The following DNAH14 variants were observed in gnomAD, a reference collection of about 807,000 sequenced individuals.
The protein encoded by DNAH14 is axonemal beta dynein heavy chain 14.
Under a neutral mutation model 520.9 loss-of-function variants are expected in DNAH14, and 478 were observed. That is an observed-to-expected ratio of 0.92 (90% CI 0.85 to 0.99). The LOEUF (loss-of-function observed/expected upper bound fraction) is 0.99. Ranked by LOEUF, DNAH14 falls within the 50% of genes least tolerant of loss-of-function variation. The pLI is 0.00. For synonymous variants in DNAH14, 1,581 were observed against 1,757.2 expected, an observed-to-expected ratio of 0.90 and a Z score of 2.51; for missense variants, 4,831 against 5,234.5, an observed-to-expected ratio of 0.92 and a Z score of 2.38.
chr1:225,016,172 G>T (rs1358411900), intron 10 of DNAH14, among the ~76,000 whole-genome samples: 1 of 152,150 alleles, frequency 6.6e-6, no homozygotes, highest in African/African-American at 2.4e-5. Context: ...CTGGGACTTG[G>T]TGACCATTGT....
At position 225,205,999 on chromosome 1, in the gene DNAH14, TGGCCCA is replaced by T; in HGVS notation, c.6008_6013del (p.Gly2003_Pro2004del). ...TTGATTGGCAGTGGATTATCCTAGA[TGGCCCA>T]GTGGACACCTTTTGGGTAGAAAATC... On this transcript the variant is annotated inframe_deletion, in exon 40 of 86. Coordinates refer to ENST00000682510, the MANE Select transcript of DNAH14 (RefSeq NM_001367479.1). 1 of 1,551,626 alleles carries T rather than the reference TGGCCCA, an allele frequency of 6.4e-7. No homozygotes were observed.
intron 38 of DNAH14, among the ~76,000 whole-genome samples, chr1:225,202,378 G>C (rs1432011713): frequency 6.6e-6 from 1 of 152,158 alleles, no homozygotes; most frequent in Non-Finnish European, 1.5e-5. Flanking sequence ...GCTGCTGTGG[G>C]GGATAGGAGT....
intron 54 of DNAH14, among the ~76,000 whole-genome samples, chr1:225,279,486 CAG>C (rs1323491691): frequency 4.6e-5 from 7 of 151,994 alleles, no homozygotes; most frequent in African/African-American, 1.7e-4. Flanking sequence ...ATATTTAAGA[CAG>C]AGAATAAATA....
rs1487497404 is a variant in DNAH14 at position 225,331,517 on chromosome 1, A to G, written c.9804A>G (p.Thr3268=). 1 of 1,551,370 alleles carries G rather than the reference A, an allele frequency of 6.4e-7. No homozygotes were observed. The highest frequency in any genetic ancestry group is 8.7e-7 in the Non-Finnish European group (1 of 1,146,858). The change falls in exon 65 of 86, where the codon ACA becomes ACG. Residue 3268 remains threonine (T), a synonymous_variant. Transcript: ENST00000682510. ...AACAACTATTAGCAAATCGGAAAAC[A>G]ATGGCCAGCAGGCGCTTTCAGTGTG... ...AEKQLLANRK[T]MASRRFQCAS... is the part of the protein sequence containing the mutation.
rs1459284842 is a variant in DNAH14 at position 225,333,258 on chromosome 1, T to C, written c.9865-33T>C. On this transcript the variant is annotated intron_variant, in intron 65 of 85. Transcript: ENST00000682510. The stretch of plus-strand genomic sequence containing the variant: ...AAATATCTCATGATAATATATTTTA[T>C]ATAGAATAACTCATTTCTATTTTAA... 7 of 1,456,936 alleles carry C rather than the reference T, an allele frequency of 4.8e-6. No homozygotes were observed. The South Asian group carries it at 6.4e-5, about 13-fold the overall frequency. The allele number at this position is 1,456,936 out of a possible 1,614,324, so 90.3% of individuals were successfully genotyped here. A position where few individuals can be genotyped will look rare whatever the true frequency, so the allele number is the denominator to read the frequency against.
rs748565298 is a variant in DNAH14 at position 225,085,724 on chromosome 1, CAGTT to C, written c.3511_3514del (p.Leu1171LysfsTer23). ...TCCATCTATAGATGACATATCAGCT[CAGTT>C]AGAAGAGTCTCAAGTCATACTTGCA... On this transcript the variant is annotated frameshift_variant, in exon 21 of 86. Transcript: ENST00000682510. LOFTEE classifies it high-confidence loss of function. 1 of 1,551,366 alleles carries C rather than the reference CAGTT, an allele frequency of 6.4e-7. No homozygotes were observed. Among genetic ancestry groups the C allele is most frequent in the African/African-American group, 1.4e-5 (1 of 73,112 alleles).
intron 21 of DNAH14, among the ~76,000 whole-genome samples, chr1:225,095,824 TGG>T (rs1252978854): frequency 6.6e-6 from 1 of 152,102 alleles, no homozygotes; most frequent in Non-Finnish European, 1.5e-5. Flanking sequence ...GGTTGCCTGG[TGG>T]TAGGGTAGGG....
At chr1:225,044,903 C>A (rs1317832399) in intron 15 of DNAH14, among the ~76,000 whole-genome samples, 1 of 152,024 alleles carries the variant, frequency 6.6e-6, no homozygotes. Flanking sequence ...GTTGGGATGA[C>A]CCCTCCCATA....
At chr1:224,992,240 C>T (rs976208512) in intron 8 of DNAH14, among the ~76,000 whole-genome samples, 15 of 151,962 alleles carry the variant, frequency 9.9e-5, no homozygotes, top group African/African-American at 1.9e-4. Context: ...TGGTTTCATA[C>T]GAATTTTAAG....
chr1:225,321,797 T>A (rs1396114103), intron 61 of DNAH14, among the ~76,000 whole-genome samples: 1 of 152,224 alleles, frequency 6.6e-6, no homozygotes, highest in African/African-American at 2.4e-5. Flanking sequence ...ACATTATTAA[T>A]GACTTGAAAG....
chr1:224,985,850 TACAC>T (rs1483432243), intron 8 of DNAH14, among the ~76,000 whole-genome samples: 3 of 150,550 alleles, frequency 2.0e-5, no homozygotes, highest in African/African-American at 7.3e-5. Flanking sequence ...TATTTGAAAA[TACAC>T]AGAGAAGATT....
chr1:225,300,766 TCTC>T, intron 55 of DNAH14, 100 bp from the exon 56 acceptor site: 1 of 1,225,096 alleles, frequency 8.2e-7, no homozygotes, highest in Admixed American at 2.8e-5. Context: ...TAGCCTCAGT[TCTC>T]CTTAATCACT....
chr1:225,057,442 G>T (rs1441418897), intron 17 of DNAH14, among the ~76,000 whole-genome samples: 1 of 152,128 alleles, frequency 6.6e-6, no homozygotes, highest in Non-Finnish European at 1.5e-5. Flanking sequence ...AGACAATGGG[G>T]TTTTCTAGAT....
At position 225,264,745 on chromosome 1, in the gene DNAH14, A is replaced by C. The variant is rs75724632; in HGVS notation, c.7223-437A>C. Among the ~76,000 whole-genome samples, 4 of 152,104 alleles carry C rather than the reference A, an allele frequency of 2.6e-5. No individual in the cohort carries two copies. In the East Asian group the frequency reaches 7.7e-4, roughly 29 times the overall value. On this transcript the variant is annotated intron_variant, in intron 47 of 85. Coordinates refer to ENST00000682510, the MANE Select transcript of DNAH14 (RefSeq NM_001367479.1). ...TCAAGAGGAAAAGATGGAATGGCCTAGAGATAGCTGTAGAAAGGGGAAGGA... is the reference window on the plus strand; with the variant it reads ...TCAAGAGGAAAAGATGGAATGGCCTCGAGATAGCTGTAGAAAGGGGAAGGA...
Position 225,205,109 on chromosome 1 carries a change from A to T in DNAH14, c.5977+836A>T, listed in dbSNP as rs1842334. Among the ~76,000 whole-genome samples the T allele has an allele frequency of 3.5e-3, 536 of 152,204 alleles. 4 individuals are homozygous for T. The highest frequency in any genetic ancestry group is 0.013 in the African/African-American group (519 of 41,518). ...ATTCATACCTCCCCTATCCTGACCA[A>T]TGGATTTTCTAAAATTGTGGAGCAC... is the stretch of plus-strand genomic sequence containing the variant. On this transcript the variant is annotated intron_variant, in intron 39 of 85. Transcript: ENST00000682510.
intron 74 of DNAH14, among the ~76,000 whole-genome samples, chr1:225,359,510 A>C (rs2095469919): frequency 6.6e-6 from 1 of 152,154 alleles, no homozygotes; most frequent in East Asian, 1.9e-4. Flanking sequence ...TCCCAAGCAA[A>C]ATATTTTCTT....
intron 75 of DNAH14, among the ~76,000 whole-genome samples, chr1:225,361,342 G>A (rs1558520190): frequency 6.6e-6 from 1 of 152,090 alleles, no homozygotes; most frequent in Non-Finnish European, 1.5e-5. Context: ...ACTTTTCTAG[G>A]CTGTACCTCC....
intron 36 of DNAH14, among the ~76,000 whole-genome samples, chr1:225,176,607 T>C (rs969611205): frequency 6.8e-6 from 1 of 145,998 alleles, no homozygotes; most frequent in Admixed American, 7.0e-5. Context: ...TTGAATTCCG[T>C]GTTGTGGGAG....
intron 27 of DNAH14, among the ~76,000 whole-genome samples, chr1:225,125,341 A>C (rs2077633025): frequency 6.6e-6 from 1 of 152,206 alleles, no homozygotes; most frequent in African/African-American, 2.4e-5. Context: ...TCTTCTTCCA[A>C]TAGAAGGCTA....
Sources: allele counts gnomAD v4.1 joint callset (sites outside exome capture counted in the v4.1 genomes callset), GRCh38; gene constraint gnomAD v4.1.1; transcripts MANE v1.5; gene names NCBI Gene and HGNC (gene_info 2026-07-23, HGNC 2026-07-21).